The following ZNF384 variants were observed in gnomAD, a reference collection of about 807,000 sequenced individuals.
The protein encoded by ZNF384 is zinc finger protein 384.
A neutral mutation model predicts 65.0 loss-of-function variants in ZNF384; 20 were observed. The ratio of observed to expected loss-of-function variants is 0.31; its 90% CI spans 0.22 to 0.45. ZNF384 has a LOEUF of 0.45. Among genes scored for constraint, ZNF384 ranks in the 20% least tolerant of loss-of-function variants. ZNF384 has a pLI of 1.00. For synonymous variants in ZNF384, 310 were observed against 303.9 expected, an observed-to-expected ratio of 1.02 and a Z score of -0.21; for missense variants, 549 against 769.4, an observed-to-expected ratio of 0.71 and a Z score of 3.39.
chr12:6,670,860 AG>A (rs2136494955), intron 9 of ZNF384, 22 bp from the exon 10 acceptor site: 1 of 1,608,882 alleles, frequency 6.2e-7, no homozygotes, highest in Non-Finnish European at 8.5e-7. Context: ...AAGAGAAAAA[AG>A]GGAAAGAATG....
chr12:6,683,606 A>C (rs901467071), intron 2 of ZNF384, among the ~76,000 whole-genome samples: 39 of 150,712 alleles, frequency 2.6e-4, no homozygotes, highest in Non-Finnish European at 4.9e-4. Flanking sequence ...TGAGTGCAGT[A>C]AGTCGAGATT....
intron 2 of ZNF384, among the ~76,000 whole-genome samples, chr12:6,680,876 G>A (rs757970877): frequency 6.6e-6 from 1 of 152,014 alleles, no homozygotes; most frequent in Non-Finnish European, 1.5e-5. Context: ...ATGATAGTAG[G>A]CCAGAATACA....
chr12:6,672,674 T>C lies in ZNF384; in HGVS notation c.1005-142A>G. On this transcript the variant is annotated intron_variant, in intron 8 of 11. Coordinates refer to ENST00000683879, the MANE Select transcript of ZNF384 (RefSeq NM_001385745.1). The surrounding 1 kb of genome is among the most constrained non-coding windows in gnomAD (Gnocchi z 4.4). ...CCTCCCAAAAACACTCCAGCCTGGATAGGCAAATGAAGAGGACACCCAGAT... is the reference window on the plus strand; with the variant it reads ...CCTCCCAAAAACACTCCAGCCTGGACAGGCAAATGAAGAGGACACCCAGAT... 2 of 790,622 alleles carry C rather than the reference T, an allele frequency of 2.5e-6. No individual in the cohort carries two copies. The highest frequency in any genetic ancestry group is 4.0e-6 in the Non-Finnish European group (2 of 496,062). 49.0% of individuals were successfully genotyped at this position (790,622 alleles called of 1,614,324 possible). A position where few individuals can be genotyped will look rare whatever the true frequency, so the allele number is the denominator to read the frequency against.
chr12:6,677,473 T>G (rs1239431365), intron 6 of ZNF384, among the ~76,000 whole-genome samples: 1 of 152,244 alleles, frequency 6.6e-6, no homozygotes, highest in African/African-American at 2.4e-5. Flanking sequence ...GCAGGGAGTT[T>G]ACTTATGTAA....
chr12:6,679,607 T>TCC, intron 2 of ZNF384, 82 bp from the exon 3 acceptor site: 2 of 1,094,180 alleles, frequency 1.8e-6, no homozygotes, highest in Non-Finnish European at 2.7e-6. Flanking sequence ...ACTGAAGAGT[T>TCC]CCTGGTCTCC....
intron 3 of ZNF384, 79 bp from the exon 4 acceptor site, chr12:6,679,262 T>G: frequency 7.3e-7 from 1 of 1,369,264 alleles, no homozygotes. Flanking sequence ...CACACTTCAG[T>G]GTCTGTCCTC....
intron 2 of ZNF384, among the ~76,000 whole-genome samples, chr12:6,683,017 G>A (rs1311849554): frequency 2.0e-5 from 3 of 152,152 alleles, no homozygotes; most frequent in African/African-American, 7.2e-5. Context: ...GAGAATGGGT[G>A]TGGTGGCTCA....
chr12:6,678,306 T>C lies in ZNF384; in HGVS notation c.507A>G (p.Ala169=). ...QVVPDLSKKV[A]STLTEEGGGG... ...CGCCTCCTTCCTCGGTTAGGGTCGA[T>C]GCTACCTTCTTGGAGAGGTCAGGGA... Residue 169 remains alanine, a synonymous_variant, in exon 6 of 12, where the codon GCA becomes GCG. Transcript: ENST00000683879. This position sits in a 1 kb window ranked among gnomAD's most constrained non-coding sequence, Gnocchi z 4.9. The C allele has an allele frequency of 1.5e-5, 24 of 1,614,122 alleles. No individual in the cohort carries two copies. The highest frequency in any genetic ancestry group is 1.9e-5 in the Non-Finnish European group (23 of 1,180,030).
chr12:6,675,213 T>A (rs372177572), intron 7 of ZNF384, among the ~76,000 whole-genome samples: 1 of 152,208 alleles, frequency 6.6e-6, no homozygotes, highest in Non-Finnish European at 1.5e-5. Context: ...GGTATAATAA[T>A]GATGATGACC....
In ZNF384 at chr12:6,678,634, C is replaced by T. The variant is rs759120516; in HGVS notation, c.352+29G>A. On this transcript the variant is annotated intron_variant, in intron 5 of 11. Transcript: ENST00000683879. The surrounding 1 kb of genome is among the most constrained non-coding windows in gnomAD (Gnocchi z 4.9). ...AAATAATGGTCTCCTAACCCTTGTC[C>T]CCACCCCCCTGGTAACAGTGAGATT... 1.2e-6 allele frequency: 2 copies of T among 1,611,984 alleles called. No homozygotes were observed. Among genetic ancestry groups the T allele is most frequent in the Non-Finnish European group, 1.7e-6 (2 of 1,179,018 alleles).
At chr12:6,669,635 A>C (rs1215373450) in intron 10 of ZNF384, among the ~76,000 whole-genome samples, 1 of 151,796 alleles carries the variant, frequency 6.6e-6, no homozygotes, top group Non-Finnish European at 1.5e-5. Flanking sequence ...AGTAGCTGGG[A>C]CTACAGGCAC....
intron 7 of ZNF384, among the ~76,000 whole-genome samples, chr12:6,676,648 G>A (rs965646606): frequency 2.0e-5 from 3 of 152,158 alleles, no homozygotes; most frequent in African/African-American, 7.2e-5. Flanking sequence ...GTATATAGAT[G>A]TATCTCCATC....
In ZNF384 at chr12:6,672,477, A is replaced by G; in HGVS notation, c.1060T>C (p.Ser354Pro). The G allele has an allele frequency of 6.2e-7, 1 of 1,613,988 alleles. No individual in the cohort carries two copies. The highest frequency in any genetic ancestry group is 8.5e-7 in the Non-Finnish European group (1 of 1,179,994). ...TIKPHKCPHC[S>P]KTFANTSYLA... ...TAGGAGGTGTTGGCGAAGGTCTTGG[A>G]GCAGTGCGGGCACTTGTGGGGCTTG... The change falls in exon 9 of 12, where the codon TCC becomes CCC. Residue 354 changes from serine (S) to proline (P), a missense_variant. This residue lies in a region of ZNF384 where 59 missense variants were observed against 63.6 expected (regional missense o/e 0.93). Transcript: ENST00000683879. The surrounding 1 kb of genome is among the most constrained non-coding windows in gnomAD (Gnocchi z 4.4).
intron 2 of ZNF384, among the ~76,000 whole-genome samples, chr12:6,683,972 G>T (rs1329411425): frequency 1.3e-5 from 2 of 151,740 alleles, no homozygotes; most frequent in South Asian, 4.2e-4. Flanking sequence ...TGCCAAGATC[G>T]CACCACTGCA....
chr12:6,671,698 T>G (rs1297192081), intron 9 of ZNF384: 2 of 152,426 alleles, frequency 1.3e-5, no homozygotes, highest in African/African-American at 2.4e-5. Flanking sequence ...CCAGTTCAAC[T>G]TGAGATAGCA....
intron 2 of ZNF384, among the ~76,000 whole-genome samples, chr12:6,679,864 TAGCTAAGGTCAC>T (rs1452549258): frequency 3.3e-5 from 5 of 152,254 alleles, no homozygotes; most frequent in African/African-American, 4.8e-5. Flanking sequence ...GGAGATGATG[TAGCTAAGGTCAC>T]AAAAAACAAA....
Position 6,669,125 on chromosome 12 carries a change from G to A in ZNF384, c.1331C>T (p.Thr444Met), listed in dbSNP as rs774627241. 17 of 1,613,874 alleles carry A rather than the reference G, an allele frequency of 1.1e-5. No individual in the cohort carries two copies. The highest frequency in any genetic ancestry group is 1.3e-5 in the Non-Finnish European group (15 of 1,179,918). Residue 444 changes from threonine to methionine, a missense_variant, in exon 11 of 12, where the codon ACG becomes ATG. Coordinates refer to ENST00000683879, the MANE Select transcript of ZNF384 (RefSeq NM_001385745.1). ...FKCHNCHRAY[T>M]DAASLEVHLS... ...GTGCACCTCTAGTGAGGCTGCATCC[G>A]TGTACGCCCGATGACAGTTGTGGCA...
chr12:6,668,379 C>G (rs568745788), intron 11 of ZNF384, among the ~76,000 whole-genome samples: 1 of 152,142 alleles, frequency 6.6e-6, no homozygotes, highest in East Asian at 1.9e-4. Context: ...AATGAAACAA[C>G]TTTACAACCT....
intron 10 of ZNF384, among the ~76,000 whole-genome samples, chr12:6,669,725 C>T (rs996973726): frequency 3.9e-5 from 6 of 152,160 alleles, no homozygotes; most frequent in Non-Finnish European, 7.3e-5. Flanking sequence ...TGGTTTCCAA[C>T]TCCTGAGCTC....
Sources: gnomAD v4.1 joint callset for allele counts (sites outside exome capture counted in the v4.1 genomes callset) on GRCh38, gnomAD v4.1.1 for gene constraint, gnomAD v4.1.1 regional missense constraint, Gnocchi (gnomAD v3.1) non-coding constraint, MANE v1.5 for transcripts, NCBI Gene and HGNC (gene_info 2026-07-23, HGNC 2026-07-21) for gene names.